SLC12A1: variants seen among roughly 807,000 people sequenced by gnomAD.
The protein encoded by SLC12A1 is solute carrier family 12 member 1.
In SLC12A1, 89 loss-of-function variants were observed where a neutral mutation model predicts 130.4. The observed-to-expected ratio is 0.68, with a 90% CI of 0.58 to 0.81. SLC12A1 has a LOEUF of 0.81. Ranked by LOEUF, SLC12A1 falls within the 40% of genes least tolerant of loss-of-function variation. SLC12A1 has a pLI of 0.00. For missense variants in SLC12A1, 1,310 were observed against 1,336.4 expected (o/e 0.98, Z 0.31); for synonymous variants, 499 against 460.0 (o/e 1.08, Z -1.09).
chr15:48,210,834 G>A (rs1205607059), intron 2 of SLC12A1, among the ~76,000 whole-genome samples: 1 of 151,774 alleles, frequency 6.6e-6, no homozygotes, highest in Non-Finnish European at 1.5e-5. Context: ...CTGCACTCCA[G>A]TCTGGGCAAC....
At chr15:48,212,872 T>C (rs1312355051) in intron 2 of SLC12A1, among the ~76,000 whole-genome samples, 1 of 152,216 alleles carries the variant, frequency 6.6e-6, no homozygotes, top group Non-Finnish European at 1.5e-5. Flanking sequence ...TGTTAACAAC[T>C]ACAAATAATT....
intron 8 of SLC12A1, 50 bp from the exon 9 acceptor site, chr15:48,234,827 G>A (rs765272170): frequency 1.3e-6 from 2 of 1,579,870 alleles, no homozygotes; most frequent in Admixed American, 1.7e-5. Flanking sequence ...TTAATCTCCT[G>A]TACTGTGAAA....
intron 18 of SLC12A1, 73 bp downstream of exon 18, chr15:48,267,774 G>C: frequency 6.6e-7 from 1 of 1,521,342 alleles, no homozygotes; most frequent in Non-Finnish European, 9.0e-7. Context: ...GGCTCCCAAA[G>C]TGAACAGCTG....
chr15:48,260,040 G>A (rs1196144440), intron 17 of SLC12A1, among the ~76,000 whole-genome samples: 1 of 152,062 alleles, frequency 6.6e-6, no homozygotes, highest in African/African-American at 2.4e-5. Context: ...GGCCAAGGTG[G>A]GCGGATCACC....
At chr15:48,208,331 T>C (rs1269667207) in intron 2 of SLC12A1, among the ~76,000 whole-genome samples, 192 bp downstream of exon 2, 2 of 152,094 alleles carry the variant, frequency 1.3e-5, no homozygotes, top group Non-Finnish European at 2.9e-5. Flanking sequence ...TCTTTGGATT[T>C]TTTTTTTTCT....
rs2041846796 is a variant in SLC12A1 at position 48,267,644 on chromosome 15, T to G, written c.2238T>G (p.Ala746=). 25 of 1,613,484 alleles carry G rather than the reference T, an allele frequency of 1.5e-5. No individual in the cohort carries two copies. The highest frequency in any genetic ancestry group is 2.1e-5 in the Non-Finnish European group (25 of 1,179,618). The part of the protein sequence containing the change: ...QAWLIKNKIK[A]FYAAVAADCF... The stretch of plus-strand genomic sequence containing the variant: ...GGCTTATAAAGAACAAAATCAAGGC[T>G]TTTTATGCTGCAGTGGCGGCAGACT... Residue 746 remains alanine, a synonymous_variant, in exon 18 of 27, where the codon GCT becomes GCG. Transcript: ENST00000380993.
At chr15:48,294,407 G>T (rs893896926) in intron 24 of SLC12A1, among the ~76,000 whole-genome samples, 4 of 150,590 alleles carry the variant, frequency 2.7e-5, no homozygotes, top group Non-Finnish European at 5.9e-5. Context: ...TGATCAGAAA[G>T]CTATAATCGA....
rs2041872040 is a variant in SLC12A1, at chr15:48,269,734, C to A, written c.2372C>A (p.Thr791Lys). Residue 791 changes from threonine to lysine, a missense_variant, in exon 19 of 27, where the codon ACA becomes AAA. Thr to Lys is a moderately conservative substitution (Grantham distance 78). Transcript: ENST00000380993. The part of the protein sequence containing the change: ...YKKNWRKAPL[T>K]EIENYVGIIH... ...AAAAACTGGAGGAAAGCTCCCTTGA[C>A]AGAGATTGAGAACTACGTGGGAATC... 6.2e-7 allele frequency: 1 copy of A among 1,608,142 alleles called. No individual in the cohort carries two copies. Among genetic ancestry groups the A allele is most frequent in the East Asian group, 2.2e-5 (1 of 44,824 alleles).
At chr15:48,241,065 G>A (rs2041510386) in intron 9 of SLC12A1, among the ~76,000 whole-genome samples, 2 of 152,044 alleles carry the variant, frequency 1.3e-5, no homozygotes, top group South Asian at 4.1e-4. Context: ...TTTTTACTCA[G>A]TCAAAAGTGA....
chr15:48,245,350 C>A (rs997464432), intron 11 of SLC12A1, among the ~76,000 whole-genome samples: 1 of 152,164 alleles, frequency 6.6e-6, no homozygotes, highest in Admixed American at 6.5e-5. Context: ...CAAGTAGCCT[C>A]TGTTCACTGT....
chr15:48,207,226 T>G (rs1424600296), intron 1 of SLC12A1, among the ~76,000 whole-genome samples: 1 of 152,172 alleles, frequency 6.6e-6, no homozygotes, highest in East Asian at 1.9e-4. Flanking sequence ...CTTACTGTAT[T>G]CAATAAGTAA....
chr15:48,266,976 A>T (rs909124690), intron 17 of SLC12A1, among the ~76,000 whole-genome samples: 4 of 152,194 alleles, frequency 2.6e-5, no homozygotes, highest in Non-Finnish European at 4.4e-5. Flanking sequence ...TCATTGAATG[A>T]CAAGGAAATG....
rs770530122 is a variant in SLC12A1, at chr15:48,302,741, T to C, written c.3165-9T>C. On this transcript the variant is annotated splice_polypyrimidine_tract_variant and intron_variant, in intron 26 of 26. Transcript: ENST00000380993. ...CTTTCATTTTTAAATTTTTCCTTCA[T>C]GTCATTAGGAGCCTTCCCGTGGCAA... 2 of 1,587,298 alleles carry C rather than the reference T, an allele frequency of 1.3e-6. No homozygotes were observed. The highest frequency in any genetic ancestry group is 3.5e-5 in the Admixed American group (2 of 56,354).
intron 20 of SLC12A1, among the ~76,000 whole-genome samples, chr15:48,280,873 C>A (rs1482764455): frequency 6.6e-6 from 1 of 151,946 alleles, no homozygotes; most frequent in Non-Finnish European, 1.5e-5. Context: ...CTTCTCACAC[C>A]CCCATTCTTC....
intron 17 of SLC12A1, among the ~76,000 whole-genome samples, chr15:48,262,308 C>T (rs2041783507): frequency 1.3e-5 from 2 of 152,074 alleles, no homozygotes; most frequent in South Asian, 4.1e-4. Flanking sequence ...TGTTACATTA[C>T]CAGAAAGGAG....
chr15:48,268,779 C>A (rs2041860528), intron 18 of SLC12A1, among the ~76,000 whole-genome samples: 1 of 152,078 alleles, frequency 6.6e-6, no homozygotes, highest in African/African-American at 2.4e-5. Context: ...TTTTCAATAG[C>A]TCTTTGGTTA....
chr15:48,251,758 T>G lies in SLC12A1; in HGVS notation c.1930T>G (p.Cys644Gly). The G allele has an allele frequency of 6.2e-7, 1 of 1,613,864 alleles. No homozygotes were observed. Among genetic ancestry groups the G allele is most frequent in the Non-Finnish European group, 8.5e-7 (1 of 1,179,818 alleles). ...ATTCTTCCTTTACGTCTATGTGACT[T>G]GTAAGAAGCCAGGTAAGATAATGAC... is the stretch of plus-strand genomic sequence containing the variant. The part of the protein sequence containing the change: ...IEFFLYVYVT[C>G]KKPDVNWGSS... The change falls in exon 15 of 27, where the codon TGT becomes GGT. Residue 644 changes from cysteine to glycine, a missense_variant. By Grantham distance (159) the Cys-to-Gly change is radical. Transcript: ENST00000380993.
intron 19 of SLC12A1, among the ~76,000 whole-genome samples, chr15:48,271,248 T>G (rs1325279169): frequency 6.6e-6 from 1 of 152,084 alleles, no homozygotes; most frequent in Non-Finnish European, 1.5e-5. Flanking sequence ...GCATTTCTTC[T>G]AGGCTTGAAA....
rs2042254738 is a variant in SLC12A1, at chr15:48,303,206, C to G, written c.*321C>G. The G allele has an allele frequency of 1.1e-5, 2 of 183,972 alleles. No homozygotes were observed. The highest frequency in any genetic ancestry group is 2.4e-5 in the African/African-American group (1 of 42,536). The allele number at this position is 183,972 out of a possible 1,614,324, so 11.4% of individuals were successfully genotyped here. On this transcript the variant is annotated 3_prime_UTR_variant, in exon 27 of 27. Coordinates refer to ENST00000380993, the MANE Select transcript of SLC12A1 (RefSeq NM_000338.3). ...GTGATTGTAAACTTCTCCAGACAAACTTAACCTTTTGTTTCTTAATTTTTT... is the reference window on the plus strand; with the variant it reads ...GTGATTGTAAACTTCTCCAGACAAAGTTAACCTTTTGTTTCTTAATTTTTT...
Sources: allele counts gnomAD v4.1 joint callset (sites outside exome capture counted in the v4.1 genomes callset), GRCh38; gene constraint gnomAD v4.1.1; transcripts MANE v1.5; gene names NCBI Gene and HGNC (gene_info 2026-07-23, HGNC 2026-07-21).